CLHC1: variants seen among roughly 807,000 people sequenced by gnomAD.
The protein encoded by CLHC1 is clathrin heavy chain linker domain-containing protein 1.
In CLHC1, 72 loss-of-function variants were observed where a neutral mutation model predicts 69.5. That is an observed-to-expected ratio of 1.04 (90% confidence interval 0.86 to 1.26). The LOEUF is 1.26. CLHC1 is among the 50% of genes most tolerant of loss of function. The pLI is 0.00. For synonymous variants in CLHC1, 223 were observed against 224.3 expected, an observed-to-expected ratio of 0.99 and a Z score of 0.05; for missense variants, 790 against 679.3, an observed-to-expected ratio of 1.16 and a Z score of -1.81.
At chr2:55,216,830 T>C (rs945292359) in intron 4 of CLHC1, among the ~76,000 whole-genome samples, 1 of 152,100 alleles carries the variant, frequency 6.6e-6, no homozygotes, top group African/African-American at 2.4e-5. Context: ...GACCCTCATT[T>C]TATGATACAA....
At chr2:55,210,129 G>C (rs779289562) in intron 5 of CLHC1, among the ~76,000 whole-genome samples, 2 of 151,988 alleles carry the variant, frequency 1.3e-5, no homozygotes, top group African/African-American at 4.8e-5. Context: ...CAAAGTGCTG[G>C]GATTACAGGC....
intron 9 of CLHC1, among the ~76,000 whole-genome samples, chr2:55,190,896 A>C (rs1670862290): frequency 6.6e-6 from 1 of 152,172 alleles, no homozygotes; most frequent in Admixed American, 6.5e-5. Context: ...AAGCATAAGA[A>C]GCATGAAAAT....
At chr2:55,222,727 C>A (rs1437670170) in intron 2 of CLHC1, among the ~76,000 whole-genome samples, 1 of 151,766 alleles carries the variant, frequency 6.6e-6, no homozygotes, top group East Asian at 1.9e-4. Context: ...TCGAGACCAG[C>A]CTGACCAACA....
At chr2:55,182,032 C>T (rs1669986846) in intron 9 of CLHC1, among the ~76,000 whole-genome samples, 1 of 152,058 alleles carries the variant, frequency 6.6e-6, no homozygotes, top group South Asian at 2.1e-4. Flanking sequence ...GGAATGGAAT[C>T]TCCCTTAGAG....
At chr2:55,195,439 A>G (rs1671319916) in intron 9 of CLHC1, among the ~76,000 whole-genome samples, 1 of 152,232 alleles carries the variant, frequency 6.6e-6, no homozygotes. Context: ...TAAAATATCC[A>G]GGAAGGCAGA....
chr2:55,208,561 T>C, intron 8 of CLHC1, 65 bp downstream of exon 8: 1 of 970,650 alleles, frequency 1.0e-6, no homozygotes. Context: ...CAATCTGGTA[T>C]GTTATTCACA....
At chr2:55,226,589 G>C (rs1035377952) in intron 2 of CLHC1, among the ~76,000 whole-genome samples, 1 of 152,076 alleles carries the variant, frequency 6.6e-6, no homozygotes, top group East Asian at 1.9e-4. Context: ...GTATTTCATA[G>C]TATGATGTTC....
chr2:55,216,526 AT>A (rs961398569), intron 4 of CLHC1, among the ~76,000 whole-genome samples: 1 of 151,502 alleles, frequency 6.6e-6, no homozygotes, highest in Admixed American at 6.6e-5. Flanking sequence ...TCCCTTATTT[AT>A]TTTATTTTAT....
At chr2:55,220,128 A>G (rs1339866538) in intron 3 of CLHC1, among the ~76,000 whole-genome samples, 1 of 151,604 alleles carries the variant, frequency 6.6e-6, no homozygotes, top group Non-Finnish European at 1.5e-5. Context: ...TCCACCCCCA[A>G]CTCTTGGTAT....
In CLHC1 at chr2:55,174,345, G is replaced by GAC. The variant is rs760521940; in HGVS notation, c.*1443_*1444dup. 8.9e-4 allele frequency among the ~76,000 whole-genome samples: 135 copies of GAC among 152,214 alleles called. No homozygotes were observed. The highest frequency in any genetic ancestry group is 1.7e-3 in the Non-Finnish European group (118 of 68,002). ...GCCAGGCAACCCTAATACAAGTGTG[G>GAC]ACAGATAACTTAATCTCAGCAATAA... is the stretch of plus-strand genomic sequence containing the variant. On this transcript the variant is annotated 3_prime_UTR_variant, in exon 13 of 13. Transcript: ENST00000401408.
intron 9 of CLHC1, among the ~76,000 whole-genome samples, chr2:55,203,277 C>T (rs1672133425): frequency 6.6e-6 from 1 of 152,126 alleles, no homozygotes; most frequent in Admixed American, 6.6e-5. Flanking sequence ...ATCAAAATAC[C>T]ATGAAATTCT....
At chr2:55,223,519 T>C in intron 2 of CLHC1, among the ~76,000 whole-genome samples, 1 of 152,122 alleles carries the variant, frequency 6.6e-6, no homozygotes, top group Middle Eastern at 3.2e-3. Flanking sequence ...CGTGGCCTGC[T>C]GTGCTCCGAG....
chr2:55,218,717 T>C (rs1470420196), intron 3 of CLHC1: 1 of 152,118 alleles, frequency 6.6e-6, no homozygotes, highest in Non-Finnish European at 1.5e-5. Flanking sequence ...TATATATGCA[T>C]TACCCATGCA....
chr2:55,177,532 G>T, intron 12 of CLHC1, 70 bp downstream of exon 12: 3 of 1,103,574 alleles, frequency 2.7e-6, no homozygotes, highest in Non-Finnish European at 1.3e-6. Context: ...GTTAACTCAT[G>T]CATAACCATC....
chr2:55,183,541 G>A (rs1670122427), intron 9 of CLHC1, among the ~76,000 whole-genome samples: 1 of 152,118 alleles, frequency 6.6e-6, no homozygotes, highest in Non-Finnish European at 1.5e-5. Flanking sequence ...CCGATTGAGG[G>A]TCTACTAATG....
chr2:55,212,239 T>C (rs1197869453), intron 5 of CLHC1, among the ~76,000 whole-genome samples: 2 of 152,078 alleles, frequency 1.3e-5, no homozygotes, highest in African/African-American at 2.4e-5. Flanking sequence ...ATCACACCAC[T>C]GCACACCCAG....
chr2:55,222,834 T>C (rs1445165512), intron 2 of CLHC1, among the ~76,000 whole-genome samples: 1 of 146,558 alleles, frequency 6.8e-6, no homozygotes, highest in Non-Finnish European at 1.5e-5. Context: ...GGCAGGAGGA[T>C]CGCTTGAACC....
At chr2:55,224,009 C>G (rs1483494477) in intron 2 of CLHC1, 1 of 153,138 alleles carries the variant, frequency 6.5e-6, no homozygotes, top group African/African-American at 2.4e-5. Context: ...GTTGGCCAGG[C>G]TGGTCTTGAA....
chr2:55,210,056 G>A (rs947203477), intron 5 of CLHC1, among the ~76,000 whole-genome samples: 26 of 152,062 alleles, frequency 1.7e-4, no homozygotes, highest in African/African-American at 6.3e-4. Context: ...ACAGGGTCTT[G>A]TTATGTTGCC....
Sources: gnomAD v4.1 joint callset for allele counts (sites outside exome capture counted in the v4.1 genomes callset) on GRCh38, gnomAD v4.1.1 for gene constraint, MANE v1.5 for transcripts, NCBI Gene and HGNC (gene_info 2026-07-23, HGNC 2026-07-21) for gene names.